TENM2: variants seen among roughly 807,000 people sequenced by gnomAD.
TENM2 encodes teneurin-2.
A neutral mutation model predicts 245.2 loss-of-function variants in TENM2; 52 were observed. That is an observed-to-expected ratio of 0.21 (90% CI 0.17 to 0.27). The LOEUF is 0.27. TENM2 is among the 10% of genes least tolerant of loss of function. The pLI, the probability that TENM2 is intolerant of heterozygous loss-of-function variation, is 1.00. For synonymous variants in TENM2, 1,363 were observed against 1,438.9 expected (o/e 0.95, Z 1.19); for missense variants, 3,046 against 3,666.8 (o/e 0.83, Z 4.37).
At chr5:167,271,676 G>A in the TENM2 span, among the ~76,000 whole-genome samples, 4 of 152,188 alleles carry the variant, frequency 2.6e-5, no homozygotes, top group Admixed American at 2.0e-4. Flanking sequence ...CATAGACAGC[G>A]GATCCTGGCT....
chr5:167,567,042 A>G (rs1020586385), intron 2 of TENM2, among the ~76,000 whole-genome samples: 1 of 105,998 alleles, frequency 9.4e-6, no homozygotes, highest in Non-Finnish European at 2.4e-5. Context: ...AAGATCTGAT[A>G]TAATTATAAT....
At chr5:167,811,594 G>T (rs1455531435) in intron 2 of TENM2, among the ~76,000 whole-genome samples, 1 of 152,102 alleles carries the variant, frequency 6.6e-6, no homozygotes, top group Non-Finnish European at 1.5e-5. Context: ...ATGCAAGAAT[G>T]ACCTAATACA....
rs17070041 is a variant in TENM2 at position 168,262,399 on chromosome 5, C to T, written c.7914C>T (p.Ile2638=). ...ACCTGGTCACACTAGGCACCACCAT[C>T]GGCCGCAAGGTGCTAGAGAGCGGGG... The change falls in exon 29 of 29, where the codon ATC becomes ATT. Residue 2638 remains isoleucine (I), a synonymous_variant. Transcript: ENST00000518659. 57,966 of 1,590,570 alleles carry T rather than the reference C, an allele frequency of 0.036. 1,214 individuals are homozygous for T. The highest frequency in any genetic ancestry group is 0.077 in the African/African-American group (5,741 of 74,508).
intron 27 of TENM2, among the ~76,000 whole-genome samples, chr5:168,258,571 C>T (rs979366325): frequency 2.0e-5 from 3 of 152,146 alleles, no homozygotes; most frequent in African/African-American, 4.8e-5. Flanking sequence ...AAGCACACTG[C>T]ATGCTCCACA....
the TENM2 span, among the ~76,000 whole-genome samples, chr5:167,196,477 T>C: frequency 6.7e-6 from 1 of 150,146 alleles, no homozygotes; most frequent in African/African-American, 2.5e-5. Flanking sequence ...TGTGTATATA[T>C]ATATGTGTGT....
At chr5:167,056,697 A>G in the TENM2 span, among the ~76,000 whole-genome samples, 8 of 147,598 alleles carry the variant, frequency 5.4e-5, no homozygotes, top group South Asian at 1.7e-3. Context: ...CTCATATTTT[A>G]TTAATATTGA....
At chr5:167,583,881 T>A (rs1223420313) in intron 2 of TENM2, among the ~76,000 whole-genome samples, 1 of 152,188 alleles carries the variant, frequency 6.6e-6, no homozygotes, top group East Asian at 1.9e-4. Flanking sequence ...ATCTTTTTTG[T>A]CTGCTTTAAC....
chr5:167,629,082 A>T (rs1411087171), intron 2 of TENM2, among the ~76,000 whole-genome samples: 1 of 152,228 alleles, frequency 6.6e-6, no homozygotes, highest in Non-Finnish European at 1.5e-5. Context: ...TTCTGTTATC[A>T]TCACCATTTT....
At chr5:167,477,516 A>C (rs557525394) in intron 2 of TENM2, among the ~76,000 whole-genome samples, 2 of 152,180 alleles carry the variant, frequency 1.3e-5, no homozygotes, top group African/African-American at 4.8e-5. Context: ...TGTAATAATA[A>C]TAGCTGACAT....
At position 167,386,843 on chromosome 5, in the gene TENM2, CT is replaced by C. The variant is rs560508762; in HGVS notation, c.502+11372del. 8.2e-4 allele frequency among the ~76,000 whole-genome samples: 124 copies of C among 152,078 alleles called. 1 individual carries two copies. Among genetic ancestry groups the C allele is most frequent in the African/African-American group, 2.9e-3 (120 of 41,538 alleles). On this transcript the variant is annotated intron_variant, in intron 2 of 28. Transcript: ENST00000518659. ...TGCAAGTATTTGGGCTTATTTCTGG[CT>C]TCCCTATTCTGTCCCATTTTTATAT...
intron 2 of TENM2, among the ~76,000 whole-genome samples, chr5:167,776,999 A>G (rs1245144077): frequency 6.6e-6 from 1 of 152,268 alleles, no homozygotes; most frequent in Non-Finnish European, 1.5e-5. Flanking sequence ...TTATGAGTTC[A>G]TGCTATATTT....
rs1157512625 is a variant in TENM2, at chr5:168,244,941, G to T, written c.5817+225G>T. 1.3e-5 allele frequency among the ~76,000 whole-genome samples: 2 copies of T among 152,012 alleles called. No individual in the cohort carries two copies. The highest frequency in any genetic ancestry group is 3.9e-4 in the East Asian group (2 of 5,150). On this transcript the variant is annotated intron_variant, in intron 26 of 28. Transcript: ENST00000518659. The surrounding 1 kb of genome is among the most constrained non-coding windows in gnomAD (Gnocchi z 4.9). ...CATGTCACCACGCCCGGCTAATTTT[G>T]TATTTTTAGTAGAGATGGGTTTCCC...
intron 6 of TENM2, among the ~76,000 whole-genome samples, chr5:168,048,708 G>C (rs1788828376): frequency 1.3e-5 from 2 of 152,150 alleles, no homozygotes; most frequent in African/African-American, 4.8e-5. Context: ...GTGCACATTA[G>C]TCATCCTGAG....
chr5:168,219,846 A>T (rs1763512495), intron 23 of TENM2, among the ~76,000 whole-genome samples: 1 of 151,590 alleles, frequency 6.6e-6, no homozygotes, highest in African/African-American at 2.4e-5. Context: ...AAAAAAAAAA[A>T]AAAGCGGGGG....
At chr5:167,445,334 T>TAGAGAGAGAG (rs1380778783) in intron 2 of TENM2, among the ~76,000 whole-genome samples, 115 of 86,278 alleles carry the variant, frequency 1.3e-3, no homozygotes, top group Non-Finnish European at 1.7e-3. Flanking sequence ...TATATATATA[T>TAGAGAGAGAG]ATAGAGAGAG....
At position 167,316,196 on chromosome 5, in the gene TENM2, C is replaced by G. The variant is rs150022854; in HGVS notation, c.226+31133C>G. ...TGCAAGAATGTAAGCTTCATAAAGG[C>G]AGAGATATGTACTGTATCCCTACAA... On this transcript the variant is annotated intron_variant, in intron 1 of 28. Coordinates refer to ENST00000518659, the Ensembl canonical transcript of TENM2. 1.3e-3 allele frequency among the ~76,000 whole-genome samples: 197 copies of G among 152,260 alleles called. 3 individuals carry two copies. The highest frequency in any genetic ancestry group is 6.8e-3 in the Middle Eastern group (2 of 294).
intron 3 of TENM2, among the ~76,000 whole-genome samples, chr5:167,949,272 A>T (rs2151822608): frequency 6.6e-6 from 1 of 152,324 alleles, no homozygotes; most frequent in South Asian, 2.1e-4. Context: ...TTGAGGGGAT[A>T]CAGACTCCAT....
At chr5:167,741,285 C>T (rs1352051178) in intron 2 of TENM2, among the ~76,000 whole-genome samples, 1 of 152,084 alleles carries the variant, frequency 6.6e-6, no homozygotes, top group Non-Finnish European at 1.5e-5. Context: ...CTTAACTGTG[C>T]CTGTCCCAGA....
At chr5:168,195,442 G>A (rs72835042) in intron 15 of TENM2, 147 bp downstream of exon 17, 14,716 of 945,458 alleles carry the variant, frequency 0.016, 173 homozygotes, top group Non-Finnish European at 0.017. Context: ...TTCCCCCAAA[G>A]ACATTTCATG....
Sources: gnomAD v4.1 joint callset for allele counts (sites outside exome capture counted in the v4.1 genomes callset) on GRCh38, gnomAD v4.1.1 for gene constraint, Gnocchi (gnomAD v3.1) non-coding constraint, MANE v1.5 for transcripts, NCBI Gene and HGNC (gene_info 2026-07-23, HGNC 2026-07-21) for gene names.